The following CELF4 variants were observed in gnomAD, a reference collection of about 807,000 sequenced individuals.
The protein encoded by CELF4 is CUGBP Elav-like family member 4, also known as CUG-BP- and ETR-3-like factor 4.
In CELF4, 18 loss-of-function variants were observed where a neutral mutation model predicts 59.9. The observed-to-expected ratio is 0.30, with a 90% confidence interval of 0.21 to 0.45. The LOEUF is 0.45. CELF4 is among the 20% of genes least tolerant of loss of function. CELF4 has a pLI of 1.00. For missense variants in CELF4, 456 were observed against 689.0 expected (o/e 0.66, Z 3.79); for synonymous variants, 261 against 267.1 (o/e 0.98, Z 0.22).
chr18:37,355,465 G>A (rs1195727791), intron 2 of CELF4, among the ~76,000 whole-genome samples: 2 of 152,092 alleles, frequency 1.3e-5, no homozygotes, highest in South Asian at 2.1e-4. Context: ...TTGAGGTCAG[G>A]AGTTTGAGAC....
intron 2 of CELF4, among the ~76,000 whole-genome samples, chr18:37,347,217 C>T (rs141922994): frequency 5.3e-4 from 81 of 152,150 alleles, no homozygotes; most frequent in Non-Finnish European, 8.4e-4. Context: ...ATGGGGAGCC[C>T]CAGAGCGTGG....
At chr18:37,257,588 A>G (rs898696651) in intron 11 of CELF4, among the ~76,000 whole-genome samples, 1 of 152,134 alleles carries the variant, frequency 6.6e-6, no homozygotes, top group Non-Finnish European at 1.5e-5. Flanking sequence ...CAAGCCCTTC[A>G]TGATTCCAGA....
In CELF4 at chr18:37,243,177, T is replaced by TTC. The variant is rs1231606087; in HGVS notation, c.*2064_*2065insGA. On this transcript the variant is annotated 3_prime_UTR_variant, in exon 13 of 13. Coordinates refer to ENST00000420428, the MANE Select transcript of CELF4 (RefSeq NM_020180.4). ...AACTGCAGCTGTTTTCTTTTTTTTT[T>TTC]CTTTTTTTCTTTTTTTTTTTTTTTT... The TTC allele has an allele frequency of 7.0e-6, 1 of 142,528 alleles. No homozygotes were observed. The highest frequency in any genetic ancestry group is 1.5e-5 in the Non-Finnish European group (1 of 66,520). 8.8% of individuals were successfully genotyped at this position (142,528 alleles called of 1,614,324 possible). A position where few individuals can be genotyped will look rare whatever the true frequency, so the allele number is the denominator to read the frequency against.
chr18:37,508,572 T>C (rs1264045590), intron 1 of CELF4, among the ~76,000 whole-genome samples: 1 of 152,140 alleles, frequency 6.6e-6, no homozygotes, highest in Non-Finnish European at 1.5e-5. Flanking sequence ...TAGGCATGCA[T>C]AGGTAGGGCA....
rs61235122 is a variant in CELF4 at position 37,547,160 on chromosome 18, G to GTGTGGT, written c.286+18195_286+18196insACCACA. On this transcript the variant is annotated intron_variant, in intron 1 of 12. Transcript: ENST00000420428. ...GCTTAGTGTATGTGTGTGTGTGTGTGGTGTGTGTGTGTGTGTGTGTGTGTG... is the reference window on the plus strand; with the variant it reads ...GCTTAGTGTATGTGTGTGTGTGTGTGTGTGGTGTGTGTGTGTGTGTGTGTGTGTGTG... Among the ~76,000 whole-genome samples the GTGTGGT allele has an allele frequency of 4.9e-5, 7 of 144,252 alleles. No homozygotes were observed. The East Asian group carries it at 1.4e-3, about 30-fold the overall frequency. The allele number at this position is 144,252 out of a possible 152,430, so 94.6% of individuals were successfully genotyped here.
chr18:37,321,197 G>A (rs1013550718), intron 3 of CELF4, among the ~76,000 whole-genome samples: 3 of 152,144 alleles, frequency 2.0e-5, no homozygotes, highest in Admixed American at 1.3e-4. Context: ...GAGCCTCAAG[G>A]TGCTGCATTC....
chr18:37,530,944 G>A (rs1026024193), intron 1 of CELF4, among the ~76,000 whole-genome samples: 3 of 151,836 alleles, frequency 2.0e-5, no homozygotes, highest in South Asian at 2.1e-4. Flanking sequence ...CCAGGTCGTG[G>A]AACCCTGATG....
chr18:37,512,477 A>C, intron 1 of CELF4, among the ~76,000 whole-genome samples: 2 of 122,860 alleles, frequency 1.6e-5, no homozygotes, highest in African/African-American at 3.2e-5. Context: ...CTTTCTCCTC[A>C]TGCTTCATTT....
At chr18:37,451,049 G>A (rs574652464) in intron 2 of CELF4, among the ~76,000 whole-genome samples, 2 of 152,326 alleles carry the variant, frequency 1.3e-5, no homozygotes, top group South Asian at 4.2e-4. Context: ...GAGCCCCAGG[G>A]ACATGGAGAT....
intron 2 of CELF4, among the ~76,000 whole-genome samples, chr18:37,464,070 A>G (rs1174250544): frequency 2.0e-5 from 3 of 152,184 alleles, no homozygotes; most frequent in Admixed American, 6.5e-5. Flanking sequence ...TGGCGTATTT[A>G]CAGAAATGCC....
At chr18:37,500,360 G>A (rs1333145316) in intron 1 of CELF4, among the ~76,000 whole-genome samples, 1 of 152,070 alleles carries the variant, frequency 6.6e-6, no homozygotes, top group African/African-American at 2.4e-5. Context: ...GGGCCGAGGA[G>A]GGGTGTTGTG....
chr18:37,564,059 G>A (rs969562723), intron 1 of CELF4, among the ~76,000 whole-genome samples: 1 of 152,118 alleles, frequency 6.6e-6, no homozygotes, highest in African/African-American at 2.4e-5. Context: ...TCTATGTGGG[G>A]GTGGGTGTGC....
At position 37,322,582 on chromosome 18, in the gene CELF4, G is replaced by A. The variant is rs1183148640; in HGVS notation, c.370-701C>T. ...GCCGCCGGCCTCTCTCTTCCCTCTC[G>A]GGGATCTGTGTCAATGGCCCATTCA... is the stretch of plus-strand genomic sequence containing the variant. On this transcript the variant is annotated intron_variant, in intron 2 of 12. Transcript: ENST00000420428. Among the ~76,000 whole-genome samples the A allele has an allele frequency of 2.0e-5, 3 of 152,146 alleles. No individual in the cohort carries two copies. The East Asian group carries it at 5.8e-4, about 29-fold the overall frequency.
chr18:37,356,018 C>G (rs1225065383), intron 2 of CELF4, among the ~76,000 whole-genome samples: 1 of 152,142 alleles, frequency 6.6e-6, no homozygotes, highest in Non-Finnish European at 1.5e-5. Context: ...CACAGCCCAG[C>G]CCAGCCCAGC....
intron 8 of CELF4, 138 bp downstream of exon 8, chr18:37,270,630 C>G (rs2090697544): frequency 9.7e-7 from 1 of 1,034,682 alleles, no homozygotes. Flanking sequence ...GGAGGCTGGC[C>G]CTCTCTGATC....
chr18:37,563,596 C>G (rs138429841), intron 1 of CELF4, among the ~76,000 whole-genome samples: 1 of 152,020 alleles, frequency 6.6e-6, no homozygotes, highest in Admixed American at 6.6e-5. Context: ...AAAGTGTTTT[C>G]TTTTTTTCTT....
intron 2 of CELF4, among the ~76,000 whole-genome samples, chr18:37,370,271 G>T (rs1447801572): frequency 2.0e-5 from 3 of 152,186 alleles, no homozygotes; most frequent in Non-Finnish European, 4.4e-5. Flanking sequence ...ATGGCTGCCT[G>T]GTTGGGGGCC....
Position 37,326,418 on chromosome 18 carries a change from C to T in CELF4, c.370-4537G>A, listed in dbSNP as rs143190556. On this transcript the variant is annotated intron_variant, in intron 2 of 12. Transcript: ENST00000420428. ...TGTCAGCTACTCCTCTCCACCAGTG[C>T]GCTGTCCTCCCCGGAGGGCCCTGTG... 1.3e-3 allele frequency among the ~76,000 whole-genome samples: 191 copies of T among 152,318 alleles called. No individual in the cohort carries two copies. The Middle Eastern group carries it at 0.014, about 11-fold the overall frequency.
At chr18:37,274,223 G>C in intron 6 of CELF4, 88 bp downstream of exon 6, 2 of 1,580,120 alleles carry the variant, frequency 1.3e-6, no homozygotes, top group Non-Finnish European at 1.7e-6. Context: ...GCAAGGGATA[G>C]AGTAGTATTT....
Sources: allele counts gnomAD v4.1 joint callset (sites outside exome capture counted in the v4.1 genomes callset), GRCh38; gene constraint gnomAD v4.1.1; transcripts MANE v1.5; gene names NCBI Gene and HGNC (gene_info 2026-07-23, HGNC 2026-07-21).